NPSR1: variants seen among roughly 807,000 people sequenced by gnomAD.
NPSR1 encodes the protein neuropeptide S receptor 1, also known as neuropeptide S receptor.
In NPSR1, 48 loss-of-function variants were observed where a neutral mutation model predicts 46.9. The observed-to-expected ratio is 1.02, with a 90% confidence interval of 0.81 to 1.30. The LOEUF is 1.30. Among genes scored for constraint, NPSR1 ranks in the 50% most tolerant of loss-of-function variants. NPSR1 has a pLI of 0.00. For missense variants in NPSR1, 450 were observed against 449.5 expected, an observed-to-expected ratio of 1.00 and a Z score of -0.01; for synonymous variants, 176 against 168.1, an observed-to-expected ratio of 1.05 and a Z score of -0.36.
At chr7:34,702,931 T>C (rs966467829) in intron 2 of NPSR1, among the ~76,000 whole-genome samples, 1 of 152,230 alleles carries the variant, frequency 6.6e-6, no homozygotes, top group East Asian at 1.9e-4. Flanking sequence ...CTAAGTCTTA[T>C]TCAAAAAGGT....
At chr7:34,859,097 G>A (rs1791123950) in intron 8 of NPSR1, among the ~76,000 whole-genome samples, 1 of 151,596 alleles carries the variant, frequency 6.6e-6, no homozygotes, top group South Asian at 2.1e-4. Context: ...GTGATCAACT[G>A]GGTCTTGGTT....
chr7:34,792,734 T>TATTTATATATATATGTATATATA (rs58315247), intron 3 of NPSR1, among the ~76,000 whole-genome samples: 1 of 123,304 alleles, frequency 8.1e-6, no homozygotes, highest in East Asian at 2.4e-4. Flanking sequence ...TATATATATA[T>TATTTATATATATATGTATATATA]TAGCCAGGCA....
intron 3 of NPSR1, among the ~76,000 whole-genome samples, chr7:34,791,727 G>A (rs1396574717): frequency 6.6e-6 from 1 of 151,902 alleles, no homozygotes; most frequent in Non-Finnish European, 1.5e-5. Flanking sequence ...AATCACAAAA[G>A]TCCCAGAATT....
At chr7:34,862,353 G>C (rs1433867678) in intron 8 of NPSR1, among the ~76,000 whole-genome samples, 2 of 151,732 alleles carry the variant, frequency 1.3e-5, no homozygotes, top group African/African-American at 4.9e-5. Context: ...CAGAGTCCCA[G>C]AATCAGCCCT....
intron 2 of NPSR1, among the ~76,000 whole-genome samples, chr7:34,761,923 C>G (rs1362983181): frequency 6.6e-6 from 1 of 152,182 alleles, no homozygotes; most frequent in Admixed American, 6.5e-5. Context: ...AAGAAAACAC[C>G]TGTTATTGCT....
chr7:34,814,056 G>A (rs954457266), intron 4 of NPSR1, among the ~76,000 whole-genome samples: 1 of 152,234 alleles, frequency 6.6e-6, no homozygotes, highest in Non-Finnish European at 1.5e-5. Context: ...ACTGGGACTG[G>A]TTGGACAGTG....
chr7:34,711,557 C>T (rs778935322), intron 2 of NPSR1: 1 of 152,100 alleles, frequency 6.6e-6, no homozygotes, highest in Non-Finnish European at 1.5e-5. Context: ...AAAAAAAATA[C>T]ATAGTTAAAA....
chr7:34,710,143 C>A (rs972850452), intron 2 of NPSR1, among the ~76,000 whole-genome samples: 3 of 152,216 alleles, frequency 2.0e-5, no homozygotes, highest in Non-Finnish European at 4.4e-5. Context: ...AATCCCTGAT[C>A]CCTCTTCAGT....
At chr7:34,862,366 GGC>G (rs1482975808) in intron 8 of NPSR1, among the ~76,000 whole-genome samples, 4 of 151,548 alleles carry the variant, frequency 2.6e-5, no homozygotes, top group African/African-American at 9.8e-5. Flanking sequence ...TCAGCCCTGG[GGC>G]CTCCTCTGAA....
intron 2 of NPSR1, among the ~76,000 whole-genome samples, chr7:34,773,294 C>T (rs1786773673): frequency 6.6e-6 from 1 of 152,106 alleles, no homozygotes; most frequent in South Asian, 2.1e-4. Context: ...CATTCTAGGG[C>T]TCTAAAAGTA....
rs1466490864 is a variant in NPSR1 at position 34,863,905 on chromosome 7, A to G, written c.1026-14171A>G. Among the ~76,000 whole-genome samples the G allele has an allele frequency of 2.0e-5, 3 of 151,762 alleles. 1 individual carries two copies. Among genetic ancestry groups the G allele is most frequent in the African/African-American group, 7.3e-5 (3 of 41,034 alleles). ...TACCCAAAGGATTATAAATCATTCTACTATAAAAACACATGCACACATTTG... is the reference window on the plus strand; with the variant it reads ...TACCCAAAGGATTATAAATCATTCTGCTATAAAAACACATGCACACATTTG... On this transcript the variant is annotated intron_variant, in intron 8 of 8. Transcript: ENST00000359791.
chr7:34,746,851 G>C (rs1785227437), intron 2 of NPSR1, among the ~76,000 whole-genome samples: 1 of 152,200 alleles, frequency 6.6e-6, no homozygotes, highest in Non-Finnish European at 1.5e-5. Flanking sequence ...TTCTGGCTGG[G>C]TGCGGTGACT....
intron 2 of NPSR1, among the ~76,000 whole-genome samples, chr7:34,777,739 G>A (rs1164542967): frequency 6.6e-6 from 1 of 152,126 alleles, no homozygotes; most frequent in African/African-American, 2.4e-5. Context: ...CTGTCATGGA[G>A]GGGTGAGGGG....
chr7:34,862,939 G>C (rs1414090220), intron 8 of NPSR1, among the ~76,000 whole-genome samples: 1 of 151,688 alleles, frequency 6.6e-6, no homozygotes, highest in Non-Finnish European at 1.5e-5. Context: ...ACGACATTAA[G>C]ATACTACAGC....
chr7:34,777,800 A>G (rs1787039657), intron 2 of NPSR1, among the ~76,000 whole-genome samples: 1 of 152,152 alleles, frequency 6.6e-6, no homozygotes. Context: ...AAACATCTGC[A>G]CAGCTTGTAC....
chr7:34,791,793 A>G (rs954882587), intron 3 of NPSR1, among the ~76,000 whole-genome samples: 1 of 152,172 alleles, frequency 6.6e-6, no homozygotes, highest in Non-Finnish European at 1.5e-5. Flanking sequence ...CCTGCTTACA[A>G]AAATATATTA....
chr7:34,792,703 A>ATATATATATATTTATATATATATGTG (rs1787976350), intron 3 of NPSR1, among the ~76,000 whole-genome samples: 2 of 88,564 alleles, frequency 2.3e-5, no homozygotes, highest in African/African-American at 3.8e-5. Flanking sequence ...ATATATACGT[A>ATATATATATATTTATATATATATGTG]TATATATATA....
At chr7:34,756,205 T>G (rs1785833329) in intron 2 of NPSR1, among the ~76,000 whole-genome samples, 1 of 152,172 alleles carries the variant, frequency 6.6e-6, no homozygotes, top group East Asian at 1.9e-4. Context: ...CCTGTCCTAA[T>G]TAATCAAATG....
chr7:34,792,611 ATATGTGTATATG>A (rs1345620335), intron 3 of NPSR1, among the ~76,000 whole-genome samples: 2 of 124,322 alleles, frequency 1.6e-5, no homozygotes, highest in Non-Finnish European at 3.4e-5. Flanking sequence ...GTGTGTGTAT[ATATGTGTATATG>A]TGTGTGTGTG....
Sources: gnomAD v4.1 joint callset for allele counts (sites outside exome capture counted in the v4.1 genomes callset) on GRCh38, gnomAD v4.1.1 for gene constraint, MANE v1.5 for transcripts, NCBI Gene and HGNC (gene_info 2026-07-23, HGNC 2026-07-21) for gene names.